Variants in PDE3B observed in about 807,000 individuals in gnomAD.
PDE3B encodes cGMP-inhibited 3',5'-cyclic phosphodiesterase 3B.
PDE3B carries 66 observed loss-of-function variants against 116.8 expected under a neutral mutation model. That is an observed-to-expected ratio of 0.56 (90% confidence interval 0.46 to 0.69). The LOEUF is 0.69. PDE3B is among the 30% of genes least tolerant of loss of function. The pLI is 0.00. For synonymous variants in PDE3B, 595 were observed against 533.6 expected, an observed-to-expected ratio of 1.12 and a Z score of -1.59; for missense variants, 1,384 against 1,368.1, an observed-to-expected ratio of 1.01 and a Z score of -0.18.
intron 1 of PDE3B, among the ~76,000 whole-genome samples, chr11:14,664,632 C>T (rs1184707897): frequency 2.0e-5 from 3 of 152,162 alleles, no homozygotes; most frequent in Non-Finnish European, 4.4e-5. Context: ...GAGGATACTA[C>T]AAACAGCTCT....
intron 1 of PDE3B, among the ~76,000 whole-genome samples, chr11:14,670,954 G>C (rs1378544367): frequency 1.3e-5 from 2 of 151,168 alleles, no homozygotes; most frequent in Non-Finnish European, 2.9e-5. Flanking sequence ...TAATACTCTT[G>C]CATCAGTCTC....
chr11:14,890,515 A>G, the PDE3B span: 1 of 267,576 alleles, frequency 3.7e-6, no homozygotes, highest in Non-Finnish European at 5.2e-6. Context: ...GTGACTTTCT[A>G]TTCTAGAAAC....
At chr11:14,759,420 C>G (rs1014294734) in intron 1 of PDE3B, among the ~76,000 whole-genome samples, 2 of 152,144 alleles carry the variant, frequency 1.3e-5, no homozygotes, top group African/African-American at 2.4e-5. Context: ...TAAATCTGCA[C>G]CACATTCCTT....
In PDE3B at chr11:14,786,700, A is replaced by G; in HGVS notation, c.1278+15A>G. The G allele has an allele frequency of 6.3e-7, 1 of 1,587,426 alleles. No homozygotes were observed. On this transcript the variant is annotated intron_variant, in intron 3 of 15. Coordinates refer to ENST00000282096, the MANE Select transcript of PDE3B (RefSeq NM_000922.4). Reference sequence around the variant, plus strand: ...AACTTAACAAGGTCGAAATACAGTAATCATCTAACCCTATTTATCAAATTT... The same window carrying G: ...AACTTAACAAGGTCGAAATACAGTAGTCATCTAACCCTATTTATCAAATTT...
In PDE3B at chr11:14,834,658, C is replaced by T. The variant is rs539683979; in HGVS notation, c.2207-324C>T. 3.3e-5 allele frequency among the ~76,000 whole-genome samples: 5 copies of T among 152,288 alleles called. No homozygotes were observed. In the South Asian group the frequency reaches 1.0e-3, roughly 32 times the overall value. ...TGTACAAAACTGTTTTGTGTGCAAA[C>T]ATGGGTCTCTGTAATCCAGACACTA... is the stretch of plus-strand genomic sequence containing the variant. On this transcript the variant is annotated intron_variant, in intron 10 of 15. Coordinates refer to ENST00000282096, the MANE Select transcript of PDE3B (RefSeq NM_000922.4).
chr11:14,689,564 GA>G (rs1283346799), intron 1 of PDE3B, among the ~76,000 whole-genome samples: 1 of 151,416 alleles, frequency 6.6e-6, no homozygotes, highest in East Asian at 1.9e-4. Flanking sequence ...GGATGAGACT[GA>G]AAAAAAAGAG....
the PDE3B span, chr11:14,891,808 C>G: frequency 1.4e-6 from 2 of 1,419,564 alleles, no homozygotes; most frequent in East Asian, 2.6e-5. Flanking sequence ...GGCACGGCGT[C>G]GAGGACTTCT....
intron 1 of PDE3B, among the ~76,000 whole-genome samples, chr11:14,715,961 G>T (rs538778393): frequency 5.3e-5 from 8 of 152,316 alleles, no homozygotes; most frequent in South Asian, 4.1e-4. Context: ...AGCTCCCAGC[G>T]TGAGCGACGC....
chr11:14,877,311 C>T, the PDE3B span: 1 of 152,084 alleles, frequency 6.6e-6, no homozygotes, highest in African/African-American at 2.4e-5. Context: ...AGAAAAATAA[C>T]ACTAACCCAT....
Position 14,673,586 on chromosome 11 carries a change from A to G in PDE3B, c.978+28533A>G, listed in dbSNP as rs565164609. On this transcript the variant is annotated intron_variant, in intron 1 of 15. Transcript: ENST00000282096. The stretch of plus-strand genomic sequence containing the variant: ...ATAAGTGAGTGAGAGCGCCTCTCAC[A>G]TGGCTCTCAGGACGGTTCTCAGGAG... The G allele has an allele frequency of 1.4e-3, 815 of 576,814 alleles. 17 individuals carry two copies. Among genetic ancestry groups the G allele is most frequent in the South Asian group, 0.012 (789 of 64,278 alleles). The allele number at this position is 576,814 out of a possible 1,614,324, so 35.7% of individuals were successfully genotyped here. A position where few individuals can be genotyped will look rare whatever the true frequency, so the allele number is the denominator to read the frequency against.
At chr11:14,769,266 G>A (rs1054070239) in intron 1 of PDE3B, among the ~76,000 whole-genome samples, 19 of 151,434 alleles carry the variant, frequency 1.3e-4, no homozygotes, top group Admixed American at 6.6e-4. Flanking sequence ...TATTGAGGGA[G>A]ATGGTCTGCA....
intron 1 of PDE3B, chr11:14,674,041 C>CA (rs1854456896): frequency 6.7e-7 from 1 of 1,503,436 alleles, no homozygotes; most frequent in Admixed American, 1.7e-5. Context: ...AATTAAGTCC[C>CA]AGTCATCAAC....
chr11:14,873,893 A>G (rs1028468778), downstream of PDE3B, among the ~76,000 whole-genome samples: 5 of 152,120 alleles, frequency 3.3e-5, no homozygotes, highest in African/African-American at 4.8e-5. Flanking sequence ...ACACAGAAAA[A>G]TTCCTTATTC....
At chr11:14,874,574 C>T (rs1008403616), downstream of PDE3B, among the ~76,000 whole-genome samples, 2 of 152,120 alleles carry the variant, frequency 1.3e-5, no homozygotes, top group Non-Finnish European at 2.9e-5. Context: ...TTAGCTTGTA[C>T]ATATTCTTAT....
chr11:14,884,064 T>C, the PDE3B span, among the ~76,000 whole-genome samples: 26 of 152,086 alleles, frequency 1.7e-4, no homozygotes, highest in South Asian at 8.3e-4. Flanking sequence ...GAATTAGGAA[T>C]ACTTTTACAC....
At chr11:14,673,512 TG>T (rs1854436624) in intron 1 of PDE3B, 2 of 353,794 alleles carry the variant, frequency 5.7e-6, no homozygotes, top group Non-Finnish European at 1.1e-5. Flanking sequence ...GCACATCGTT[TG>T]TACAAGAGAT....
chr11:14,692,266 C>T (rs1855060731), intron 1 of PDE3B, among the ~76,000 whole-genome samples: 1 of 151,950 alleles, frequency 6.6e-6, no homozygotes, highest in Non-Finnish European at 1.5e-5. Context: ...AAAGCAAGAC[C>T]CTATCTCTAA....
At chr11:14,739,264 C>T (rs1350605563) in intron 1 of PDE3B, among the ~76,000 whole-genome samples, 1 of 151,742 alleles carries the variant, frequency 6.6e-6, no homozygotes, top group Non-Finnish European at 1.5e-5. Flanking sequence ...TTGTTTGTGT[C>T]CTCTCTTATT....
the PDE3B span, among the ~76,000 whole-genome samples, chr11:14,882,515 C>G: frequency 3.9e-5 from 6 of 152,134 alleles, no homozygotes; most frequent in Non-Finnish European, 7.4e-5. Context: ...TATAAAAACC[C>G]TACACTGGCC....
Sources: allele counts gnomAD v4.1 joint callset (sites outside exome capture counted in the v4.1 genomes callset), GRCh38; gene constraint gnomAD v4.1.1; transcripts MANE v1.5; gene names NCBI Gene and HGNC (gene_info 2026-07-23, HGNC 2026-07-21).